USP43: variants seen among roughly 807,000 people sequenced by gnomAD.
USP43 encodes ubiquitin carboxyl-terminal hydrolase 43.
In USP43, 33 loss-of-function variants were observed where a neutral mutation model predicts 90.7. The ratio of observed to expected loss-of-function variants is 0.36; its 90% confidence interval spans 0.28 to 0.49. The LOEUF (loss-of-function observed/expected upper bound fraction) is 0.49, where lower values mean the gene tolerates loss of function less well. Among genes scored for constraint, USP43 ranks in the 20% least tolerant of loss-of-function variants. USP43 has a pLI of 0.98. For missense variants in USP43, 1,274 were observed against 1,476.4 expected (o/e 0.86, Z 2.25); for synonymous variants, 598 against 615.8 (o/e 0.97, Z 0.43).
In USP43 at chr17:9,728,378, G is replaced by A. The variant is rs375359864; in HGVS notation, c.2760G>A (p.Gly920=). The change falls in exon 15 of 15, where the codon GGG becomes GGA. Residue 920 remains glycine (G), a synonymous_variant. Coordinates refer to ENST00000285199, the MANE Select transcript of USP43 (RefSeq NM_153210.5). The surrounding 1 kb of genome is among the most constrained non-coding windows in gnomAD (Gnocchi z 6.2). ...NTARKLKENA[G]QDIKLPRKFD... ...CAAGGAAACTCAAGGAAAATGCAGG[G>A]CAGGACATCAAGCTTCCCAGAAAGT... The A allele has an allele frequency of 1.8e-5, 29 of 1,608,442 alleles. No individual in the cohort carries two copies. In the African/African-American group the frequency reaches 3.5e-4, roughly 19 times the overall value.
chr17:9,689,194 A>G (rs942324901), intron 8 of USP43, among the ~76,000 whole-genome samples: 1 of 152,134 alleles, frequency 6.6e-6, no homozygotes, highest in Non-Finnish European at 1.5e-5. Context: ...TTCTTTTAAT[A>G]CTATATTAAA....
chr17:9,656,588 A>G (rs142054104), intron 2 of USP43, 54 bp downstream of exon 2: 3 of 1,531,294 alleles, frequency 2.0e-6, no homozygotes, highest in Non-Finnish European at 1.8e-6. Context: ...TTTCTTTTAA[A>G]TATTGACTCA....
intron 14 of USP43, among the ~76,000 whole-genome samples, chr17:9,713,355 C>G (rs1305942407): frequency 6.6e-6 from 1 of 152,142 alleles, no homozygotes; most frequent in East Asian, 1.9e-4. Flanking sequence ...TCCCAAAGTG[C>G]TGGGATTACA....
chr17:9,673,219 C>T lies in USP43; in HGVS notation c.741-1672C>T, dbSNP rs577782402. Among the ~76,000 whole-genome samples the T allele has an allele frequency of 2.6e-5, 4 of 152,160 alleles. No homozygotes were observed. The South Asian group carries it at 8.3e-4, about 32-fold the overall frequency. On this transcript the variant is annotated intron_variant, in intron 3 of 14. Coordinates refer to ENST00000285199, the MANE Select transcript of USP43 (RefSeq NM_153210.5). ...ATGTACATGTGGAATATAAAAGTTG[C>T]ATTTCAGCCGGGGGCAGTGGCTCAC... is the stretch of plus-strand genomic sequence containing the variant.
At chr17:9,658,944 A>G (rs1243562584) in intron 2 of USP43, among the ~76,000 whole-genome samples, 1 of 152,198 alleles carries the variant, frequency 6.6e-6, no homozygotes, top group East Asian at 1.9e-4. Context: ...GAAAAAGCCC[A>G]GGGAAGAGTC....
At chr17:9,670,884 C>T (rs180767962) in intron 3 of USP43, among the ~76,000 whole-genome samples, 7 of 152,216 alleles carry the variant, frequency 4.6e-5, no homozygotes, top group Admixed American at 6.5e-5. Flanking sequence ...GACAAGGTGT[C>T]GTCAGGGATG....
At chr17:9,717,790 G>A (rs1278324711) in intron 14 of USP43, among the ~76,000 whole-genome samples, 2 of 150,640 alleles carry the variant, frequency 1.3e-5, no homozygotes, top group African/African-American at 4.9e-5. Context: ...TTAAATGTAT[G>A]TATAGCTCAC....
At chr17:9,703,497 C>T (rs1365936041) in intron 12 of USP43, among the ~76,000 whole-genome samples, 3 of 152,224 alleles carry the variant, frequency 2.0e-5, no homozygotes, top group Admixed American at 1.3e-4. Context: ...GCAGAAGGGA[C>T]GCAGTTCCTG....
At chr17:9,676,936 C>T (rs1464430751) in intron 5 of USP43, 55 bp downstream of exon 5, 4 of 1,586,528 alleles carry the variant, frequency 2.5e-6, no homozygotes, top group Non-Finnish European at 3.4e-6. Flanking sequence ...GCTAACTGAG[C>T]CAGCTGTCTA....
At chr17:9,649,653 G>T (rs563698665) in intron 1 of USP43, among the ~76,000 whole-genome samples, 2 of 132,854 alleles carry the variant, frequency 1.5e-5, no homozygotes, top group African/African-American at 5.7e-5. Context: ...CTTTTCTAAT[G>T]ATGTAATTAA....
intron 1 of USP43, among the ~76,000 whole-genome samples, chr17:9,655,990 C>T (rs188293630): frequency 1.1e-4 from 17 of 152,142 alleles, no homozygotes; most frequent in African/African-American, 3.6e-4. Context: ...GGCTGTTCAC[C>T]GTCTAGGTGA....
intron 14 of USP43, 113 bp from the exon 15 acceptor site, chr17:9,727,841 C>A: frequency 8.2e-7 from 1 of 1,213,884 alleles, no homozygotes; most frequent in Non-Finnish European, 1.1e-6. Flanking sequence ...ACTGCTGTGT[C>A]TCCAGTGCCC....
intron 13 of USP43, among the ~76,000 whole-genome samples, chr17:9,711,017 T>A (rs1316891814): frequency 6.6e-6 from 1 of 152,246 alleles, no homozygotes; most frequent in East Asian, 1.9e-4. Flanking sequence ...AAACCAATCC[T>A]AACATAAGTC....
intron 14 of USP43, among the ~76,000 whole-genome samples, chr17:9,722,996 G>A (rs2152002195): frequency 6.6e-6 from 1 of 152,286 alleles, no homozygotes; most frequent in Middle Eastern, 3.4e-3. Context: ...TCTTGAGGTG[G>A]TGGGTCTGGT....
At chr17:9,703,796 T>A (rs1014150479) in intron 12 of USP43, among the ~76,000 whole-genome samples, 10 of 152,194 alleles carry the variant, frequency 6.6e-5, no homozygotes, top group African/African-American at 2.4e-4. Context: ...CCACCCTGGC[T>A]CCAGGGTCAG....
In USP43 at chr17:9,656,084, C is replaced by T. The variant is rs555400542; in HGVS notation, c.505-319C>T. Among the ~76,000 whole-genome samples, 4 of 152,222 alleles carry T rather than the reference C, an allele frequency of 2.6e-5. No homozygotes were observed. The South Asian group carries it at 8.3e-4, about 32-fold the overall frequency. ...CCCAGCAGTCACAGGAAGAGAGCTT[C>T]GGTGGGTCAGATGGTCAACAGTATC... On this transcript the variant is annotated intron_variant, in intron 1 of 14. Coordinates refer to ENST00000285199, the MANE Select transcript of USP43 (RefSeq NM_153210.5).
Position 9,682,971 on chromosome 17 carries a change from T to G in USP43, c.1241+13T>G. On this transcript the variant is annotated intron_variant, in intron 7 of 14. Transcript: ENST00000285199. ...AGCAGGCTAGCAGGTATGTTTCACTTTATTCTTTTTTCATGTGGTGTCTGG... is the reference window on the plus strand; with the variant it reads ...AGCAGGCTAGCAGGTATGTTTCACTGTATTCTTTTTTCATGTGGTGTCTGG... 6.2e-7 allele frequency: 1 copy of G among 1,610,348 alleles called. No homozygotes were observed. The highest frequency in any genetic ancestry group is 8.5e-7 in the Non-Finnish European group (1 of 1,177,318).
At chr17:9,724,331 GACCTCC>G (rs1917136456) in intron 14 of USP43, among the ~76,000 whole-genome samples, 1 of 152,166 alleles carries the variant, frequency 6.6e-6, no homozygotes, top group African/African-American at 2.4e-5. Flanking sequence ...GTTGCACTCT[GACCTCC>G]ACGTGGAAAT....
chr17:9,658,610 G>C (rs908404027), intron 2 of USP43, among the ~76,000 whole-genome samples: 1 of 152,162 alleles, frequency 6.6e-6, no homozygotes, highest in African/African-American at 2.4e-5. Context: ...AGTCATGGTG[G>C]TTTCTCTGGG....
Sources: gnomAD v4.1 joint callset for allele counts (sites outside exome capture counted in the v4.1 genomes callset) on GRCh38, gnomAD v4.1.1 for gene constraint, Gnocchi (gnomAD v3.1) non-coding constraint, MANE v1.5 for transcripts, NCBI Gene and HGNC (gene_info 2026-07-23, HGNC 2026-07-21) for gene names.